Variants in GABPB1 observed in about 807,000 individuals in gnomAD.
GABPB1 encodes the protein GA binding protein transcription factor subunit beta 1, also known as GA-binding protein subunit beta-1.
GABPB1 carries 15 observed loss-of-function variants against 45.9 expected under a neutral mutation model. The ratio of observed to expected loss-of-function variants is 0.33; its 90% CI spans 0.22 to 0.50. GABPB1 has a LOEUF of 0.50. Among genes scored for constraint, GABPB1 ranks in the 20% least tolerant of loss-of-function variants. The pLI is 0.98. For missense variants in GABPB1, 252 were observed against 457.5 expected, an observed-to-expected ratio of 0.55 and a Z score of 4.10; for synonymous variants, 143 against 154.4, an observed-to-expected ratio of 0.93 and a Z score of 0.55.
chr15:50,292,518 A>G (rs1338408855), intron 6 of GABPB1, among the ~76,000 whole-genome samples: 1 of 152,098 alleles, frequency 6.6e-6, no homozygotes, highest in African/African-American at 2.4e-5. Context: ...GGCAGTCATC[A>G]TTCTACCAAG....
At chr15:50,337,126 TATAATATG>T (rs2048175351) in intron 1 of GABPB1, among the ~76,000 whole-genome samples, 1 of 7,842 alleles carries the variant, frequency 1.3e-4, no homozygotes, top group African/African-American at 1.3e-3. Context: ...TATATATATA[TATAATATG>T]AAGAGGTCAG....
intron 1 of GABPB1, among the ~76,000 whole-genome samples, chr15:50,337,129 A>ATATATATATATATATATATAT (rs1173961008): frequency 9.5e-5 from 1 of 10,550 alleles, no homozygotes; most frequent in Non-Finnish European, 1.4e-4. Flanking sequence ...ATATATATAT[A>ATATATATATATATATATATAT]ATATGAAGAG....
At position 50,276,142 on chromosome 15, in the gene GABPB1, A is replaced by T. The variant is rs2045836403; in HGVS notation, c.*2490T>A. 1 of 152,256 alleles carries T rather than the reference A, an allele frequency of 6.6e-6. No homozygotes were observed. The highest frequency in any genetic ancestry group is 2.4e-5 in the African/African-American group (1 of 41,464). The allele number at this position is 152,256 out of a possible 1,614,324, so 9.4% of individuals were successfully genotyped here. A position where few individuals can be genotyped will look rare whatever the true frequency, so the allele number is the denominator to read the frequency against. ...CATATGTGGAAACAATTAACCAGTG[A>T]TGTGGCAACCAGATGACTGCTAACT... On this transcript the variant is annotated 3_prime_UTR_variant, in exon 9 of 9. Transcript: ENST00000380877.
At chr15:50,288,587 T>C (rs2046241986) in intron 7 of GABPB1, among the ~76,000 whole-genome samples, 1 of 152,170 alleles carries the variant, frequency 6.6e-6, no homozygotes, top group Non-Finnish European at 1.5e-5. Flanking sequence ...TGCACCAGTG[T>C]GGATTTCTAT....
intron 1 of GABPB1, among the ~76,000 whole-genome samples, chr15:50,343,789 G>A (rs1039368812): frequency 2.0e-5 from 3 of 151,992 alleles, no homozygotes; most frequent in South Asian, 2.1e-4. Context: ...TGCCCGCCTC[G>A]GCCTCCCAAA....
At chr15:50,321,343 T>C (rs1296486745) in intron 1 of GABPB1, among the ~76,000 whole-genome samples, 2 of 152,154 alleles carry the variant, frequency 1.3e-5, no homozygotes, top group Non-Finnish European at 2.9e-5. Context: ...AGAGAGAACC[T>C]TGATCTCAGA....
At chr15:50,318,997 A>G (rs1242100988) in intron 1 of GABPB1, among the ~76,000 whole-genome samples, 1 of 152,234 alleles carries the variant, frequency 6.6e-6, no homozygotes, top group Non-Finnish European at 1.5e-5. Context: ...AATCCTATTG[A>G]AAAGATAAAT....
chr15:50,348,977 A>T (rs887015317), intron 1 of GABPB1: 3 of 152,146 alleles, frequency 2.0e-5, no homozygotes, highest in African/African-American at 7.2e-5. Flanking sequence ...TTTACCATGC[A>T]CTATAAAACT....
In GABPB1 at chr15:50,291,074, A is replaced by C. The variant is rs2046327845; in HGVS notation, c.698-1406T>G. On this transcript the variant is annotated intron_variant, in intron 6 of 8. Coordinates refer to ENST00000380877, the MANE Select transcript of GABPB1 (RefSeq NM_016654.5). The stretch of plus-strand genomic sequence containing the variant: ...AAACACAGCAATTTGACTATATGCA[A>C]AACATGGATGAACCTGACAAAAAAC... 2.0e-5 allele frequency among the ~76,000 whole-genome samples: 3 copies of C among 152,350 alleles called. No individual in the cohort carries two copies. The South Asian group carries it at 6.2e-4, about 32-fold the overall frequency.
At chr15:50,328,777 T>C (rs1351791519) in intron 1 of GABPB1, among the ~76,000 whole-genome samples, 1 of 152,236 alleles carries the variant, frequency 6.6e-6, no homozygotes, top group African/African-American at 2.4e-5. Context: ...CCAAATCAAT[T>C]ATTCATAACA....
chr15:50,285,885 T>G lies in GABPB1; in HGVS notation c.999+183A>C, dbSNP rs1595733370. 17 of 1,359,778 alleles carry G rather than the reference T, an allele frequency of 1.3e-5. 1 individual carries two copies. In the East Asian group the frequency reaches 4.7e-4, roughly 38 times the overall value. 84.2% of individuals were successfully genotyped at this position (1,359,778 alleles called of 1,614,324 possible). ...ACAAATTCTTCACTCACTCATTCAT[T>G]CATTCAATATTTATTTATTGAGGGC... is the stretch of plus-strand genomic sequence containing the variant. On this transcript the variant is annotated intron_variant, in intron 8 of 8. Transcript: ENST00000380877.
chr15:50,322,182 AG>A (rs77205800), intron 1 of GABPB1, among the ~76,000 whole-genome samples: 9,391 of 152,214 alleles, frequency 0.062, 837 homozygotes, highest in African/African-American at 0.2. Flanking sequence ...AAATCAGCTC[AG>A]GACCACCCTC....
In GABPB1 at chr15:50,332,821, G is replaced by GT. The variant is rs150133214; in HGVS notation, c.-1+22163dup. On this transcript the variant is annotated intron_variant, in intron 1 of 8. Coordinates refer to ENST00000380877, the MANE Select transcript of GABPB1 (RefSeq NM_016654.5). ...ATCCTAGACTCTACCTATCCTACTT[G>GT]TTATACCCTTGTTTTTAATCCATTA... 1.1e-3 allele frequency among the ~76,000 whole-genome samples: 163 copies of GT among 151,800 alleles called. 1 individual carries two copies. Among genetic ancestry groups the GT allele is most frequent in the East Asian group, 0.011 (55 of 5,156 alleles).
At chr15:50,286,862 C>G (rs1458317727) in intron 7 of GABPB1, among the ~76,000 whole-genome samples, 1 of 152,102 alleles carries the variant, frequency 6.6e-6, no homozygotes, top group East Asian at 1.9e-4. Flanking sequence ...ACTACAGGAA[C>G]ATAAAAATGA....
chr15:50,326,900 C>T (rs974299618), intron 1 of GABPB1, among the ~76,000 whole-genome samples: 4 of 151,918 alleles, frequency 2.6e-5, no homozygotes, highest in Non-Finnish European at 4.4e-5. Flanking sequence ...GTGCTGAATA[C>T]GCTTTCCTTC....
At chr15:50,327,086 T>C (rs1353020412) in intron 1 of GABPB1, 3 of 151,920 alleles carry the variant, frequency 2.0e-5, no homozygotes, top group African/African-American at 4.8e-5. Context: ...AGGAAAAAAA[T>C]GGAGGCTTGA....
chr15:50,287,104 T>A (rs2046188789), intron 7 of GABPB1, among the ~76,000 whole-genome samples: 1 of 152,186 alleles, frequency 6.6e-6, no homozygotes, highest in Non-Finnish European at 1.5e-5. Context: ...ATTCATGACA[T>A]AAATTACCTC....
rs751419610 is a variant in GABPB1, at chr15:50,302,996, T to C, written c.404A>G (p.Lys135Arg). 1.2e-6 allele frequency: 2 copies of C among 1,613,860 alleles called. No individual in the cohort carries two copies. The highest frequency in any genetic ancestry group is 1.7e-6 in the Non-Finnish European group (2 of 1,179,846). The change falls in exon 4 of 9, where the codon AAA becomes AGA. Residue 135 changes from lysine (K) to arginine (R), a missense_variant. Lys to Arg is a conservative substitution (Grantham distance 26). Around this residue, in one of 4 missense-constraint regions of GABPB1, gnomAD observed 193 missense variants for 259.9 expected, o/e 0.74. Transcript: ENST00000380877. The part of the protein sequence containing the change: ...KYGADVHTQS[K>R]FCKTAFDISI... ...AATATCAAATGCAGTTTTACAAAATTTACTTTGCGTGTGTACATCAGCACC... is the reference window on the plus strand; with the variant it reads ...AATATCAAATGCAGTTTTACAAAATCTACTTTGCGTGTGTACATCAGCACC...
In GABPB1 at chr15:50,278,187, C is replaced by A. The variant is rs1312806039; in HGVS notation, c.*445G>T. ...TGTACAAAGATTTCCTGGGAGAAAT[C>A]TTCTCTTCATACAGAGGTTTATACC... On this transcript the variant is annotated 3_prime_UTR_variant, in exon 9 of 9. Coordinates refer to ENST00000380877, the MANE Select transcript of GABPB1 (RefSeq NM_016654.5). The A allele has an allele frequency of 6.5e-6, 1 of 152,742 alleles. No individual in the cohort carries two copies. Among genetic ancestry groups the A allele is most frequent in the South Asian group, 2.1e-4 (1 of 4,828 alleles). 9.5% of individuals were successfully genotyped at this position (152,742 alleles called of 1,614,324 possible).
Sources: allele counts gnomAD v4.1 joint callset (sites outside exome capture counted in the v4.1 genomes callset), GRCh38; gene constraint gnomAD v4.1.1; regional missense constraint gnomAD v4.1.1; transcripts MANE v1.5; gene names NCBI Gene and HGNC (gene_info 2026-07-23, HGNC 2026-07-21).